The following EPHA6 variants were observed in gnomAD, a reference collection of about 807,000 sequenced individuals.
EPHA6 encodes the protein EPH receptor A6.
In EPHA6, 50 loss-of-function variants were observed where a neutral mutation model predicts 112.0. That is an observed-to-expected ratio of 0.45 (90% confidence interval 0.36 to 0.56). EPHA6 has a LOEUF of 0.56. Among genes scored for constraint, EPHA6 ranks in the 20% least tolerant of loss-of-function variants. The pLI is 0.00. For synonymous variants in EPHA6, 529 were observed against 490.7 expected (o/e 1.08, Z -1.03); for missense variants, 1,280 against 1,417.4 (o/e 0.90, Z 1.56).
rs114850557 is a variant in EPHA6 at position 97,537,956 on chromosome 3, A to T, written c.2386+5413A>T. 7.3e-3 allele frequency among the ~76,000 whole-genome samples: 1,117 copies of T among 152,318 alleles called. 14 individuals are homozygous for T. The highest frequency in any genetic ancestry group is 0.026 in the African/African-American group (1,066 of 41,570). On this transcript the variant is annotated intron_variant, in intron 11 of 17. Transcript: ENST00000389672. ...AGACAAAAAGAAATCTAAATATTTA[A>T]ATGTAACTTTAGGTAAAGAGCAAAA... is the stretch of plus-strand genomic sequence containing the variant.
chr3:96,995,543 AG>A (rs945861530), intron 3 of EPHA6, among the ~76,000 whole-genome samples: 17 of 152,282 alleles, frequency 1.1e-4, no homozygotes, highest in African/African-American at 3.8e-4. Context: ...CAAGCAAGAA[AG>A]GATAAAGTTG....
intron 7 of EPHA6, among the ~76,000 whole-genome samples, chr3:97,474,445 G>C (rs181726983): frequency 1.8e-4 from 27 of 151,970 alleles, no homozygotes; most frequent in African/African-American, 5.5e-4. Context: ...AACAAAAATG[G>C]AGAAATGAGA....
At position 97,750,182 on chromosome 3, in the gene EPHA6, G is replaced by C. The variant is rs904127828; in HGVS notation, c.*1481G>C. Among the ~76,000 whole-genome samples the C allele has an allele frequency of 1.3e-5, 2 of 152,006 alleles. No individual in the cohort carries two copies. The highest frequency in any genetic ancestry group is 2.9e-5 in the Non-Finnish European group (2 of 67,994). Reference sequence around the variant, plus strand: ...GTGTTGAGAGAAAAAAACAGAGTAGGTTGTCTAAAGATGCTGATTTAATAA... The same window carrying C: ...GTGTTGAGAGAAAAAAACAGAGTAGCTTGTCTAAAGATGCTGATTTAATAA... On this transcript the variant is annotated 3_prime_UTR_variant, in exon 18 of 18. Transcript: ENST00000389672.
chr3:97,305,357 C>T (rs777712044), intron 5 of EPHA6, among the ~76,000 whole-genome samples: 3 of 151,896 alleles, frequency 2.0e-5, no homozygotes, highest in African/African-American at 7.3e-5. Context: ...CCCAGCAATC[C>T]CATTACTGGA....
At chr3:96,938,626 C>A (rs1420514722) in intron 2 of EPHA6, among the ~76,000 whole-genome samples, 2 of 151,566 alleles carry the variant, frequency 1.3e-5, no homozygotes, top group African/African-American at 2.4e-5. Flanking sequence ...ATTGCCCTGG[C>A]CAGAACTTCC....
intron 2 of EPHA6, among the ~76,000 whole-genome samples, chr3:96,905,299 G>A (rs376983559): frequency 4.0e-5 from 6 of 151,836 alleles, no homozygotes; most frequent in Admixed American, 3.3e-4. Flanking sequence ...TGAAATTATA[G>A]AAATATTTTG....
rs562444897 is a variant in EPHA6 at position 97,704,296 on chromosome 3, C to T, written c.2785-15965C>T. On this transcript the variant is annotated intron_variant, in intron 14 of 17. Coordinates refer to ENST00000389672, the MANE Select transcript of EPHA6 (RefSeq NM_001080448.3). ...TCAGCAGACAGCAAAGAAGATCTGC[C>T]CTCATCAACATGGGTGATGGGTGGG... Among the ~76,000 whole-genome samples, 40 of 152,188 alleles carry T rather than the reference C, an allele frequency of 2.6e-4. No homozygotes were observed. In the South Asian group the frequency reaches 6.9e-3, roughly 26 times the overall value.
chr3:97,475,283 T>C, intron 7 of EPHA6, 69 bp from the exon 8 acceptor site: 1 of 1,165,628 alleles, frequency 8.6e-7, no homozygotes, highest in Non-Finnish European at 1.2e-6. Context: ...TAGTGTAAAC[T>C]AAATTGTAAA....
intron 6 of EPHA6, among the ~76,000 whole-genome samples, chr3:97,412,276 A>G (rs777071246): frequency 6.6e-6 from 1 of 152,068 alleles, no homozygotes; most frequent in African/African-American, 2.4e-5. Context: ...GATCTTGTGT[A>G]CAACTAGGTA....
At chr3:97,246,811 T>A (rs565853469) in intron 5 of EPHA6, among the ~76,000 whole-genome samples, 1 of 152,042 alleles carries the variant, frequency 6.6e-6, no homozygotes, top group South Asian at 2.1e-4. Flanking sequence ...CCCCTCTTCT[T>A]GTGCTTGAAA....
At chr3:97,507,755 ACCTC>A (rs2092284392) in intron 10 of EPHA6, among the ~76,000 whole-genome samples, 1 of 150,348 alleles carries the variant, frequency 6.7e-6, no homozygotes, top group Admixed American at 6.6e-5. Flanking sequence ...TCCTCTTTGT[ACCTC>A]TGGTAGAATT....
chr3:97,490,530 C>T lies in EPHA6; in HGVS notation c.2200+6471C>T, dbSNP rs1317216782. 2.0e-5 allele frequency among the ~76,000 whole-genome samples: 3 copies of T among 151,816 alleles called. No individual in the cohort carries two copies. In the East Asian group the frequency reaches 5.8e-4, roughly 29 times the overall value. On this transcript the variant is annotated intron_variant, in intron 10 of 17. Coordinates refer to ENST00000389672, the MANE Select transcript of EPHA6 (RefSeq NM_001080448.3). ...TTTTTTTCTTCTAGTTTGTGTATTG[C>T]TAAAATATTAGGTGAAATGAAGGAA...
At chr3:97,329,420 T>G (rs1431039035) in intron 5 of EPHA6, among the ~76,000 whole-genome samples, 1 of 150,602 alleles carries the variant, frequency 6.6e-6, no homozygotes, top group Non-Finnish European at 1.5e-5. Context: ...TGAACTAGTT[T>G]ACAGTCCCAC....
chr3:97,041,190 T>A (rs1210926194), intron 3 of EPHA6, among the ~76,000 whole-genome samples: 3 of 152,130 alleles, frequency 2.0e-5, no homozygotes, highest in Non-Finnish European at 4.4e-5. Flanking sequence ...GTTTTCTCAG[T>A]CTTCCTGTGC....
intron 2 of EPHA6, among the ~76,000 whole-genome samples, chr3:96,980,474 G>C (rs1486553235): frequency 6.6e-6 from 1 of 150,738 alleles, no homozygotes; most frequent in African/African-American, 2.5e-5. Flanking sequence ...ATAGTTTGAA[G>C]TCAGGTAGCA....
chr3:97,218,276 A>T (rs974391419), intron 3 of EPHA6, among the ~76,000 whole-genome samples: 1 of 152,112 alleles, frequency 6.6e-6, no homozygotes, highest in Admixed American at 6.6e-5. Flanking sequence ...ATCTTAAAAA[A>T]AAAAAATGTA....
rs530521998 is a variant in EPHA6 at position 96,969,979 on chromosome 3, C to G, written c.451-17351C>G. On this transcript the variant is annotated intron_variant, in intron 2 of 17. Coordinates refer to ENST00000389672, the MANE Select transcript of EPHA6 (RefSeq NM_001080448.3). ...GTGATGTTTATAAGAATTATCAATT[C>G]AAAAGTTAATACACTTAAATATTAT... is the stretch of plus-strand genomic sequence containing the variant. Among the ~76,000 whole-genome samples the G allele has an allele frequency of 1.1e-4, 17 of 151,960 alleles. No homozygotes were observed. In the South Asian group the frequency reaches 3.5e-3, roughly 32 times the overall value.
intron 4 of EPHA6, among the ~76,000 whole-genome samples, chr3:97,228,038 A>G (rs2078411130): frequency 6.6e-6 from 1 of 152,134 alleles, no homozygotes. Context: ...ATGGTAGTAA[A>G]GGAGGGAGGT....
chr3:97,210,560 A>C (rs192946061), intron 3 of EPHA6, among the ~76,000 whole-genome samples: 1 of 152,174 alleles, frequency 6.6e-6, no homozygotes, highest in Admixed American at 6.5e-5. Context: ...AGTGTGATTC[A>C]CTCCATCACT....
Sources: allele counts gnomAD v4.1 joint callset (sites outside exome capture counted in the v4.1 genomes callset), GRCh38; gene constraint gnomAD v4.1.1; transcripts MANE v1.5; gene names NCBI Gene and HGNC (gene_info 2026-07-23, HGNC 2026-07-21).